PARP11: variants seen among roughly 807,000 people sequenced by gnomAD.
The protein encoded by PARP11 is protein mono-ADP-ribosyltransferase PARP11.
In PARP11, 31 loss-of-function variants were observed where a neutral mutation model predicts 42.9. That is an observed-to-expected ratio of 0.72 (90% CI 0.54 to 0.98). PARP11 has a LOEUF of 0.98. Among genes scored for constraint, PARP11 ranks in the 50% least tolerant of loss-of-function variants. The probability of loss-of-function intolerance (pLI) is 0.00; values close to 1 mark genes in which losing one functional copy is unlikely to be tolerated. For missense variants in PARP11, 365 were observed against 413.1 expected (o/e 0.88, Z 1.01); for synonymous variants, 137 against 127.3 (o/e 1.08, Z -0.51).
At chr12:3,846,555 G>T (rs1291888247) in intron 1 of PARP11, among the ~76,000 whole-genome samples, 2 of 151,000 alleles carry the variant, frequency 1.3e-5, no homozygotes, top group East Asian at 4.0e-4. Flanking sequence ...AGGAGATCGA[G>T]ACCATCCTGG....
At chr12:3,820,815 G>C (rs192489541) in intron 6 of PARP11, among the ~76,000 whole-genome samples, 1 of 152,226 alleles carries the variant, frequency 6.6e-6, no homozygotes, top group East Asian at 1.9e-4. Flanking sequence ...ATAAAAGTTG[G>C]TTTGGCCAAT....
chr12:3,831,818 A>C (rs1947645667), intron 1 of PARP11, among the ~76,000 whole-genome samples: 1 of 152,278 alleles, frequency 6.6e-6, no homozygotes, highest in Middle Eastern at 3.4e-3. Context: ...AAAGTTTAAG[A>C]CCAAACTGTC....
intron 1 of PARP11, among the ~76,000 whole-genome samples, chr12:3,862,210 G>A (rs919276900): frequency 3.3e-5 from 5 of 152,140 alleles, no homozygotes; most frequent in African/African-American, 1.2e-4. Flanking sequence ...AGAAGATTGA[G>A]ACCAGGAGTT....
chr12:3,828,418 G>A (rs1222471629), intron 3 of PARP11, among the ~76,000 whole-genome samples: 4 of 151,676 alleles, frequency 2.6e-5, no homozygotes, highest in South Asian at 2.1e-4. Flanking sequence ...GTGTGGGGGC[G>A]GGTGCCTGTA....
intron 1 of PARP11, among the ~76,000 whole-genome samples, chr12:3,860,855 AT>A (rs1408132826): frequency 6.6e-6 from 1 of 151,674 alleles, no homozygotes; most frequent in African/African-American, 2.4e-5. Flanking sequence ...TAATTTTTCA[AT>A]TTTTTCAGAG....
intron 1 of PARP11, among the ~76,000 whole-genome samples, chr12:3,855,831 A>T (rs1948179195): frequency 6.6e-6 from 1 of 152,210 alleles, no homozygotes; most frequent in Non-Finnish European, 1.5e-5. Flanking sequence ...AATCCTAAGC[A>T]AAAAGGAACA....
chr12:3,822,072 A>G lies in PARP11; in HGVS notation c.417+13T>C, dbSNP rs1947406722. ...TTTCTTTCATGGGTATATTCAGTCA[A>G]TTCTGCTCTTACCTGATATGGTACT... On this transcript the variant is annotated intron_variant, in intron 5 of 7. Transcript: ENST00000228820. 3 of 1,612,820 alleles carry G rather than the reference A, an allele frequency of 1.9e-6. No homozygotes were observed. The highest frequency in any genetic ancestry group is 2.5e-6 in the Non-Finnish European group (3 of 1,179,436).
Position 3,840,557 on chromosome 12 carries a change from G to A in PARP11, c.19-10539C>T. ...AGCCGGACACCTTCACAGATCATAA[G>A]AAAACCTGATCGTGAAAGAGTTGAG... On this transcript the variant is annotated intron_variant, in intron 1 of 7. Transcript: ENST00000228820. This position sits in a 1 kb window ranked among gnomAD's most constrained non-coding sequence, Gnocchi z 4.4. 2 of 1,577,886 alleles carry A rather than the reference G, an allele frequency of 1.3e-6. No homozygotes were observed. Among genetic ancestry groups the A allele is most frequent in the Non-Finnish European group, 1.7e-6 (2 of 1,147,104 alleles).
chr12:3,846,397 G>T (rs1947996510), intron 1 of PARP11, among the ~76,000 whole-genome samples: 1 of 152,032 alleles, frequency 6.6e-6, no homozygotes, highest in South Asian at 2.1e-4. Context: ...CAACAAATTG[G>T]AAAACTTAGA....
chr12:3,828,516 C>T (rs969744799), intron 3 of PARP11, among the ~76,000 whole-genome samples: 1 of 147,434 alleles, frequency 6.8e-6, no homozygotes. Flanking sequence ...CCACTGCACA[C>T]CAGCCTGGGC....
At chr12:3,815,037 A>G (rs1440592820) in intron 6 of PARP11, 1 of 456,702 alleles carries the variant, frequency 2.2e-6, no homozygotes. Flanking sequence ...GGGATGGAGT[A>G]AACACTTCAC....
At chr12:3,828,414 G>A (rs1053028618) in intron 3 of PARP11, among the ~76,000 whole-genome samples, 2 of 151,682 alleles carry the variant, frequency 1.3e-5, no homozygotes, top group African/African-American at 4.8e-5. Context: ...CCGGGTGTGG[G>A]GGCGGGTGCC....
In PARP11 at chr12:3,840,942, ACCAGCCACTGTG is replaced by A; in HGVS notation, c.19-10936_19-10925del. ...ATCTAACTCCTGCAGTGCCTTCTTT[ACCAGCCACTGTG>A]CCAGCCTGGCCAAGTGAACCTACAA... On this transcript the variant is annotated intron_variant, in intron 1 of 7. Transcript: ENST00000228820. This position sits in a 1 kb window ranked among gnomAD's most constrained non-coding sequence, Gnocchi z 4.4. The A allele has an allele frequency of 6.2e-7, 1 of 1,603,360 alleles. No homozygotes were observed.
intron 1 of PARP11, among the ~76,000 whole-genome samples, chr12:3,844,844 C>T (rs1565544266): frequency 6.6e-6 from 1 of 152,064 alleles, no homozygotes; most frequent in Non-Finnish European, 1.5e-5. Flanking sequence ...CGCTTTTATC[C>T]TTTAAGTTTG....
chr12:3,833,376 G>A (rs557443140), intron 1 of PARP11, among the ~76,000 whole-genome samples: 84 of 152,210 alleles, frequency 5.5e-4, no homozygotes, highest in African/African-American at 1.5e-3. Flanking sequence ...TGAGAAGGGA[G>A]GTTTGCATGA....
intron 1 of PARP11, chr12:3,841,650 T>C (rs1947890483): frequency 6.2e-7 from 1 of 1,613,496 alleles, no homozygotes; most frequent in Non-Finnish European, 8.5e-7. Flanking sequence ...TGCATGCTGA[T>C]TATGAAGAGT....
rs1384657005 is a variant in PARP11 at position 3,814,106 on chromosome 12, C to T, written c.631G>A (p.Val211Met). Residue 211 changes from valine to methionine, a missense_variant, in exon 7 of 8, where the codon GTG becomes ATG. Transcript: ENST00000228820. ...MLFHGTSSEF[V>M]EAICIHNFDW... ...AAGTTATGAATGCAGATTGCTTCCA[C>T]AAATTCACTGCTGGTACCATGAAAC... The T allele has an allele frequency of 6.2e-7, 1 of 1,609,268 alleles. No individual in the cohort carries two copies. The highest frequency in any genetic ancestry group is 1.3e-5 in the African/African-American group (1 of 74,822).
chr12:3,850,122 A>G (rs2138091779), intron 1 of PARP11, among the ~76,000 whole-genome samples: 1 of 152,286 alleles, frequency 6.6e-6, no homozygotes, highest in Non-Finnish European at 1.5e-5. Context: ...ACTCAAATCC[A>G]CAAGAAGAAT....
At position 3,840,756 on chromosome 12, in the gene PARP11, C is replaced by T. The variant is rs1253606399; in HGVS notation, c.19-10738G>A. On this transcript the variant is annotated intron_variant, in intron 1 of 7. Coordinates refer to ENST00000228820, the MANE Select transcript of PARP11 (RefSeq NM_020367.6). This position sits in a 1 kb window ranked among gnomAD's most constrained non-coding sequence, Gnocchi z 4.4. The stretch of plus-strand genomic sequence containing the variant: ...CATGGACATAGTTGGATAAAAGACC[C>T]GAACCAAGCATATTGGAGAATATTA... 5.1e-5 allele frequency: 74 copies of T among 1,448,814 alleles called. No homozygotes were observed. The highest frequency in any genetic ancestry group is 6.4e-5 in the Non-Finnish European group (66 of 1,029,446). 89.7% of individuals were successfully genotyped at this position (1,448,814 alleles called of 1,614,324 possible).
Sources: allele counts gnomAD v4.1 joint callset (sites outside exome capture counted in the v4.1 genomes callset), GRCh38; gene constraint gnomAD v4.1.1; non-coding constraint Gnocchi (gnomAD v3.1); transcripts MANE v1.5; gene names NCBI Gene and HGNC (gene_info 2026-07-23, HGNC 2026-07-21).